BANK1: variants seen among roughly 807,000 people sequenced by gnomAD.
BANK1 encodes B cell scaffold protein with ankyrin repeats 1, also known as B-cell scaffold protein with ankyrin repeats.
A neutral mutation model predicts 94.5 loss-of-function variants in BANK1; 95 were observed. That is an observed-to-expected ratio of 1.00 (90% confidence interval 0.85 to 1.19). The LOEUF is 1.19. Ranked by LOEUF, BANK1 falls within the 50% of genes most tolerant of loss-of-function variation. The pLI, the probability that BANK1 is intolerant of heterozygous loss-of-function variation, is 0.00. For missense variants in BANK1, 987 were observed against 932.2 expected (o/e 1.06, Z -0.77); for synonymous variants, 334 against 308.4 (o/e 1.08, Z -0.87).
chr4:102,053,279 C>G (rs987317657), intron 11 of BANK1, among the ~76,000 whole-genome samples: 2 of 152,072 alleles, frequency 1.3e-5, no homozygotes, highest in African/African-American at 4.8e-5. Flanking sequence ...AGTGGGCTCA[C>G]TATGAGACAG....
intron 5 of BANK1, among the ~76,000 whole-genome samples, chr4:101,873,491 A>G (rs1289513133): frequency 1.3e-5 from 2 of 152,164 alleles, no homozygotes; most frequent in African/African-American, 4.8e-5. Flanking sequence ...AGTTTGTAAT[A>G]AGAGACCTTG....
chr4:101,903,443 A>T (rs1397235400), intron 6 of BANK1, among the ~76,000 whole-genome samples: 1 of 152,220 alleles, frequency 6.6e-6, no homozygotes, highest in Non-Finnish European at 1.5e-5. Context: ...ATAAGGAGTT[A>T]GAGTCTGTGA....
Position 101,830,205 on chromosome 4 carries a change from A to C in BANK1, c.468A>C (p.Lys156Asn). 3 of 1,491,460 alleles carry C rather than the reference A, an allele frequency of 2.0e-6. No individual in the cohort carries two copies. The highest frequency in any genetic ancestry group is 1.8e-6 in the Non-Finnish European group (2 of 1,123,720). The allele number at this position is 1,491,460 out of a possible 1,614,324, so 92.4% of individuals were successfully genotyped here. The change falls in exon 2 of 17, where the codon AAA becomes AAC. Residue 156 changes from lysine (K) to asparagine (N), a missense_variant and splice_region_variant. Lys to Asn is a moderately conservative substitution (Grantham distance 94, BLOSUM62 0). Coordinates refer to ENST00000322953, the MANE Select transcript of BANK1 (RefSeq NM_017935.5). ...CTGTAATCCAGAGTATCATATTCAA[A>C]GGTAGTGTTGCCAAACCTTGTTTGT... ...YISVIQSIIF[K>N]DSEDYFEVNI...
At chr4:101,896,314 G>A (rs1722077515) in intron 6 of BANK1, among the ~76,000 whole-genome samples, 2 of 152,100 alleles carry the variant, frequency 1.3e-5, no homozygotes, top group African/African-American at 4.8e-5. Flanking sequence ...GCTAAAGAAT[G>A]TAAGAAGTCT....
intron 9 of BANK1, 35 bp downstream of exon 9, chr4:102,025,544 A>G (rs1414476684): frequency 6.3e-7 from 1 of 1,591,416 alleles, no homozygotes; most frequent in Non-Finnish European, 8.6e-7. Context: ...AAAACAAAAC[A>G]AAGACAAATC....
At chr4:101,924,922 C>T (rs151226976) in intron 7 of BANK1, among the ~76,000 whole-genome samples, 54 of 151,760 alleles carry the variant, frequency 3.6e-4, no homozygotes, top group African/African-American at 1.2e-3. Flanking sequence ...ATTCCAAGAT[C>T]TATTAACTCC....
chr4:102,037,643 G>A (rs1332111831), intron 10 of BANK1, among the ~76,000 whole-genome samples: 1 of 152,188 alleles, frequency 6.6e-6, no homozygotes, highest in African/African-American at 2.4e-5. Context: ...AGATGGAACG[G>A]AATTTTACTG....
At chr4:101,963,188 T>A (rs560286749) in intron 7 of BANK1, among the ~76,000 whole-genome samples, 14 of 152,228 alleles carry the variant, frequency 9.2e-5, no homozygotes, top group African/African-American at 3.4e-4. Flanking sequence ...GCATATCCCC[T>A]CCTATTAGTC....
intron 5 of BANK1, among the ~76,000 whole-genome samples, chr4:101,884,442 A>G (rs1289449195): frequency 6.6e-6 from 1 of 151,916 alleles, no homozygotes; most frequent in Non-Finnish European, 1.5e-5. Flanking sequence ...TATTCTTTGT[A>G]GTTTCTTCAT....
At chr4:102,072,250 T>C in intron 14 of BANK1, 95 bp from the exon 15 acceptor site, 1 of 1,087,100 alleles carries the variant, frequency 9.2e-7, no homozygotes. Context: ...ACCCATATCT[T>C]ACCTTTGTAG....
chr4:102,073,600 T>G, intron 15 of BANK1, 84 bp from the exon 16 acceptor site: 1 of 1,279,410 alleles, frequency 7.8e-7, no homozygotes, highest in Non-Finnish European at 1.1e-6. Flanking sequence ...GAAAGGCAAC[T>G]ATAACTTTGT....
intron 1 of BANK1, among the ~76,000 whole-genome samples, chr4:101,802,682 G>A (rs10446682): frequency 0.27 from 40,648 of 152,032 alleles, 5,742 homozygotes; most frequent in Non-Finnish European, 0.32. Flanking sequence ...TTGTAGGACC[G>A]TATGTAACTT....
At chr4:101,851,095 A>C (rs1727457783) in intron 2 of BANK1, among the ~76,000 whole-genome samples, 1 of 152,226 alleles carries the variant, frequency 6.6e-6, no homozygotes, top group African/African-American at 2.4e-5. Flanking sequence ...AAGCCAATAT[A>C]GGTAGAAAGC....
intron 1 of BANK1, among the ~76,000 whole-genome samples, chr4:101,829,106 C>A (rs1014270500): frequency 6.6e-5 from 10 of 152,106 alleles, no homozygotes; most frequent in African/African-American, 2.4e-4. Flanking sequence ...TCGTGATCAG[C>A]CCGCCTCAGC....
intron 5 of BANK1, among the ~76,000 whole-genome samples, chr4:101,881,288 C>G (rs1308467615): frequency 1.3e-5 from 2 of 151,880 alleles, no homozygotes; most frequent in African/African-American, 4.8e-5. Context: ...AGACATTTCT[C>G]AAAAGAAGAC....
intron 1 of BANK1, among the ~76,000 whole-genome samples, chr4:101,799,799 G>A (rs1208548901): frequency 1.3e-5 from 2 of 152,114 alleles, no homozygotes; most frequent in Non-Finnish European, 2.9e-5. Flanking sequence ...GCATGAACCT[G>A]GGAGGCGGAG....
At chr4:101,887,318 G>T (rs950322417) in intron 5 of BANK1, among the ~76,000 whole-genome samples, 2 of 152,122 alleles carry the variant, frequency 1.3e-5, no homozygotes, top group Non-Finnish European at 2.9e-5. Flanking sequence ...AAAGTTATGC[G>T]TTATTTAATT....
Position 101,829,938 on chromosome 4 carries a change from T to C in BANK1, c.201T>C (p.Phe67=). Residue 67 remains phenylalanine (F), a synonymous_variant, in exon 2 of 17, where the codon TTT becomes TTC. Transcript: ENST00000322953. ...TATATCGCTTGGAGAATTTCTCTTTTCGGCATTTGGAGTTGCTGAACTTAA... is the reference window on the plus strand; with the variant it reads ...TATATCGCTTGGAGAATTTCTCTTTCCGGCATTTGGAGTTGCTGAACTTAA... ...ILLYRLENFS[F]RHLELLNLTS... 1 of 1,614,002 alleles carries C rather than the reference T, an allele frequency of 6.2e-7. No individual in the cohort carries two copies. The highest frequency in any genetic ancestry group is 1.1e-5 in the South Asian group (1 of 91,078).
chr4:101,905,837 T>C (rs1328333090), intron 6 of BANK1, among the ~76,000 whole-genome samples: 1 of 152,214 alleles, frequency 6.6e-6, no homozygotes. Context: ...CAGCCGAATC[T>C]GCAGTCATCT....
Sources: allele counts gnomAD v4.1 joint callset (sites outside exome capture counted in the v4.1 genomes callset), GRCh38; gene constraint gnomAD v4.1.1; transcripts MANE v1.5; gene names NCBI Gene and HGNC (gene_info 2026-07-23, HGNC 2026-07-21).